Variants in DNAH6 observed in about 807,000 individuals in gnomAD.
DNAH6 encodes the protein dynein axonemal heavy chain 6, also known as axonemal beta dynein heavy chain 6.
Under a neutral mutation model 491.4 loss-of-function variants are expected in DNAH6, and 340 were observed. That is an observed-to-expected ratio of 0.69 (90% confidence interval 0.63 to 0.76). The LOEUF (loss-of-function observed/expected upper bound fraction) is 0.76. Ranked by LOEUF, DNAH6 falls within the 30% of genes least tolerant of loss-of-function variation. DNAH6 has a pLI of 0.00. For synonymous variants in DNAH6, 1,603 were observed against 1,686.1 expected, an observed-to-expected ratio of 0.95 and a Z score of 1.21; for missense variants, 4,443 against 4,972.2, an observed-to-expected ratio of 0.89 and a Z score of 3.20.
At chr2:84,622,925 T>G (rs1386829067) in intron 26 of DNAH6, among the ~76,000 whole-genome samples, 1 of 152,140 alleles carries the variant, frequency 6.6e-6, no homozygotes, top group Non-Finnish European at 1.5e-5. Flanking sequence ...TCCCTTATGA[T>G]TAGTGATGTT....
chr2:84,797,823 C>T, intron 70 of DNAH6, 165 bp downstream of exon 70: 2 of 674,658 alleles, frequency 3.0e-6, no homozygotes, highest in Non-Finnish European at 4.9e-6. Context: ...AGCCTGTTAC[C>T]TCTGGGTCCT....
At position 84,654,112 on chromosome 2, in the gene DNAH6, AAGAG is replaced by A. The variant is rs551584610; in HGVS notation, c.5634+252_5634+255del. On this transcript the variant is annotated intron_variant, in intron 34 of 76. Transcript: ENST00000389394. Reference sequence around the variant, plus strand: ...CTTCCCTGAGAGAGGGAGAGAGAGAAAGAGAGAGAGAGAGAGAAAGAAAGAGGAG... The same window carrying A: ...CTTCCCTGAGAGAGGGAGAGAGAGAAAGAGAGAGAGAGAAAGAAAGAGGAG... 4.4e-4 allele frequency among the ~76,000 whole-genome samples: 66 copies of A among 150,826 alleles called. No individual in the cohort carries two copies. The East Asian group carries it at 0.01, about 23-fold the overall frequency.
chr2:84,606,169 G>A (rs1003149367), intron 20 of DNAH6, among the ~76,000 whole-genome samples: 2 of 152,216 alleles, frequency 1.3e-5, no homozygotes, highest in African/African-American at 4.8e-5. Flanking sequence ...AGCAAAGGGA[G>A]CTGGGTCACA....
At position 84,610,604 on chromosome 2, in the gene DNAH6, A is replaced by G. The variant is rs1400121350; in HGVS notation, c.3295-1070A>G. Reference sequence around the variant, plus strand: ...CAAAGAACCCACTTACACTAATCTCATTTTGTTCCCATCCAATCTCTTTCT... The same window carrying G: ...CAAAGAACCCACTTACACTAATCTCGTTTTGTTCCCATCCAATCTCTTTCT... On this transcript the variant is annotated intron_variant, in intron 21 of 76. Transcript: ENST00000389394. Among the ~76,000 whole-genome samples the G allele has an allele frequency of 2.0e-5, 3 of 152,210 alleles. No individual in the cohort carries two copies. The East Asian group carries it at 5.8e-4, about 29-fold the overall frequency.
chr2:84,532,170 A>C (rs17025187), intron 4 of DNAH6, among the ~76,000 whole-genome samples: 3,588 of 152,208 alleles, frequency 0.024, 55 homozygotes, highest in Middle Eastern at 0.088. Context: ...GAGACTGAAA[A>C]CTGCTTTTGT....
intron 41 of DNAH6, 149 bp from the exon 42 acceptor site, chr2:84,681,208 G>T: frequency 1.5e-6 from 1 of 665,034 alleles, no homozygotes; most frequent in Non-Finnish European, 2.4e-6. Context: ...AATGTTTTCT[G>T]AAATGAGCAG....
chr2:84,583,817 A>G (rs933858729), intron 14 of DNAH6, among the ~76,000 whole-genome samples, 182 bp from the exon 15 acceptor site: 1 of 152,192 alleles, frequency 6.6e-6, no homozygotes, highest in Non-Finnish European at 1.5e-5. Flanking sequence ...GCCATGTGGA[A>G]CTGTGAGTCC....
At chr2:84,628,838 G>A (rs762325562) in intron 29 of DNAH6, among the ~76,000 whole-genome samples, 27 of 152,064 alleles carry the variant, frequency 1.8e-4, no homozygotes, top group Non-Finnish European at 3.2e-4. Flanking sequence ...AACATAAAAA[G>A]ATATGAAGAA....
chr2:84,676,299 C>T (rs1345978894), intron 40 of DNAH6, among the ~76,000 whole-genome samples: 1 of 152,152 alleles, frequency 6.6e-6, no homozygotes, highest in Non-Finnish European at 1.5e-5. Flanking sequence ...TACTTGAGAC[C>T]ACACTTTCAC....
At chr2:84,507,134 T>G in the DNAH6 span, among the ~76,000 whole-genome samples, 1 of 152,270 alleles carries the variant, frequency 6.6e-6, no homozygotes, top group African/African-American at 2.4e-5. Context: ...GGGATGGCAT[T>G]GAATCTATAA....
chr2:84,669,234 G>A, intron 37 of DNAH6, 55 bp from the exon 38 acceptor site: 1 of 1,318,492 alleles, frequency 7.6e-7, no homozygotes, highest in East Asian at 2.5e-5. Flanking sequence ...ATCTACTACT[G>A]TGTGTCAATA....
At chr2:84,595,184 A>G (rs1558769070) in intron 17 of DNAH6, among the ~76,000 whole-genome samples, 1 of 152,224 alleles carries the variant, frequency 6.6e-6, no homozygotes, top group Non-Finnish European at 1.5e-5. Context: ...GCTATCTGAC[A>G]TGTCAATATA....
chr2:84,656,555 A>G (rs970860908), intron 35 of DNAH6, among the ~76,000 whole-genome samples: 13 of 152,034 alleles, frequency 8.6e-5, no homozygotes, highest in African/African-American at 3.1e-4. Context: ...ATCTTTTCAT[A>G]TGTTTGTTTG....
chr2:84,544,694 A>G (rs1678603828), intron 5 of DNAH6, among the ~76,000 whole-genome samples, 194 bp downstream of exon 5: 1 of 152,172 alleles, frequency 6.6e-6, no homozygotes, highest in Admixed American at 6.5e-5. Flanking sequence ...CTAGGGTTGC[A>G]AAATGCAAAA....
chr2:84,571,945 CAAAAAGAT>C (rs927050031), intron 11 of DNAH6, among the ~76,000 whole-genome samples: 2 of 151,452 alleles, frequency 1.3e-5, no homozygotes, highest in Non-Finnish European at 3.0e-5. Context: ...AAAAGAAAAC[CAAAAAGAT>C]GAAAAGATGC....
intron 33 of DNAH6, among the ~76,000 whole-genome samples, chr2:84,648,395 G>T (rs1690100676): frequency 6.6e-6 from 1 of 152,196 alleles, no homozygotes; most frequent in Non-Finnish European, 1.5e-5. Flanking sequence ...TGCTCTATCT[G>T]CCATTGATAG....
At chr2:84,673,738 G>T (rs962698345) in intron 40 of DNAH6, among the ~76,000 whole-genome samples, 2 of 152,304 alleles carry the variant, frequency 1.3e-5, no homozygotes, top group South Asian at 2.1e-4. Context: ...AGTCTGGAAG[G>T]CTAGGCCACT....
chr2:84,606,201 G>A (rs1302693804), intron 20 of DNAH6, among the ~76,000 whole-genome samples: 1 of 152,180 alleles, frequency 6.6e-6, no homozygotes. Context: ...AAAAGGCAAA[G>A]CCCTGGCCTA....
At chr2:84,795,587 A>G (rs964883960) in intron 68 of DNAH6, among the ~76,000 whole-genome samples, 3 of 152,272 alleles carry the variant, frequency 2.0e-5, no homozygotes, top group African/African-American at 7.2e-5. Context: ...TTGACAATGT[A>G]GGTATCACAG....
Sources: gnomAD v4.1 joint callset for allele counts (sites outside exome capture counted in the v4.1 genomes callset) on GRCh38, gnomAD v4.1.1 for gene constraint, MANE v1.5 for transcripts, NCBI Gene and HGNC (gene_info 2026-07-23, HGNC 2026-07-21) for gene names.